HEG1: variants seen among roughly 807,000 people sequenced by gnomAD.
HEG1 encodes the protein heart development protein with EGF like domains 1.
Under a neutral mutation model 125.6 loss-of-function variants are expected in HEG1, and 56 were observed. The ratio of observed to expected loss-of-function variants is 0.45; its 90% CI spans 0.36 to 0.56. HEG1 has a LOEUF of 0.56. Ranked by LOEUF, HEG1 falls within the 20% of genes least tolerant of loss-of-function variation. The probability of loss-of-function intolerance (pLI) is 0.00; values close to 1 mark genes in which losing one functional copy is unlikely to be tolerated. For missense variants in HEG1, 1,523 were observed against 1,670.0 expected, an observed-to-expected ratio of 0.91 and a Z score of 1.53; for synonymous variants, 644 against 668.5, an observed-to-expected ratio of 0.96 and a Z score of 0.57.
At chr3:125,026,691 G>C (rs1937420470) in intron 3 of HEG1, among the ~76,000 whole-genome samples, 1 of 152,130 alleles carries the variant, frequency 6.6e-6, no homozygotes, top group Admixed American at 6.5e-5. Context: ...CCAAGGTAAG[G>C]TCTCTTGTTT....
chr3:125,002,193 C>T lies in HEG1; in HGVS notation c.3356+64G>A, dbSNP rs370061607. 13 of 1,538,508 alleles carry T rather than the reference C, an allele frequency of 8.4e-6. 1 individual carries two copies. In the South Asian group the frequency reaches 1.0e-4, roughly 12 times the overall value. ...ACAGCCCGGTTTTGTTGCTATCACC[C>T]ATGTTAGAACAGCCTCCCCTTTGTA... is the stretch of plus-strand genomic sequence containing the variant. On this transcript the variant is annotated intron_variant, in intron 10 of 16. Coordinates refer to ENST00000311127, the MANE Select transcript of HEG1 (RefSeq NM_020733.2).
intron 15 of HEG1, among the ~76,000 whole-genome samples, chr3:124,975,596 G>C (rs1385301798): frequency 2.0e-5 from 3 of 152,268 alleles, no homozygotes; most frequent in Middle Eastern, 3.4e-3. Context: ...ATTCAGACTT[G>C]TGCAACCATC....
intron 1 of HEG1, among the ~76,000 whole-genome samples, chr3:125,047,597 A>G (rs1937694187): frequency 6.6e-6 from 1 of 152,198 alleles, no homozygotes; most frequent in Admixed American, 6.5e-5. Context: ...TCCCTGAAAA[A>G]GTCTCACCAC....
chr3:124,973,667 A>C, intron 16 of HEG1, 64 bp downstream of exon 16: 1 of 1,319,132 alleles, frequency 7.6e-7, no homozygotes, highest in Non-Finnish European at 1.1e-6. Flanking sequence ...ACAACAAAAC[A>C]GAATTCCTTT....
intron 6 of HEG1, 114 bp from the exon 7 acceptor site, chr3:125,010,669 C>T (rs1937145024): frequency 2.7e-6 from 2 of 748,198 alleles, no homozygotes; most frequent in Non-Finnish European, 2.1e-6. Flanking sequence ...TTTCTGTTTA[C>T]TTGCCCTGAA....
chr3:125,053,317 A>T (rs1937856243), intron 1 of HEG1, among the ~76,000 whole-genome samples: 1 of 151,862 alleles, frequency 6.6e-6, no homozygotes, highest in African/African-American at 2.4e-5. Flanking sequence ...TTATCAGAAA[A>T]CTCAGACTCA....
chr3:125,018,727 C>G (rs1306051383), intron 5 of HEG1, among the ~76,000 whole-genome samples: 1 of 151,810 alleles, frequency 6.6e-6, no homozygotes, highest in Non-Finnish European at 1.5e-5. Context: ...GAGGAAGTGG[C>G]AAGAACAGCT....
intron 1 of HEG1, among the ~76,000 whole-genome samples, chr3:125,037,020 T>A (rs1341549784): frequency 6.6e-6 from 1 of 152,192 alleles, no homozygotes; most frequent in African/African-American, 2.4e-5. Flanking sequence ...CACAGAATTG[T>A]TTATAATAAT....
intron 8 of HEG1, 36 bp from the exon 9 acceptor site, chr3:125,005,404 C>G: frequency 8.4e-7 from 1 of 1,184,406 alleles, no homozygotes; most frequent in Non-Finnish European, 1.2e-6. Context: ...GATTACACAA[C>G]AGAAGAACCT....
At position 124,997,837 on chromosome 3, in the gene HEG1, A is replaced by G; in HGVS notation, c.3518-14T>C. 1 of 1,564,740 alleles carries G rather than the reference A, an allele frequency of 6.4e-7. No individual in the cohort carries two copies. The highest frequency in any genetic ancestry group is 8.7e-7 in the Non-Finnish European group (1 of 1,150,946). ...ACAAGCTGCCCGCTGGAATGGAAAA[A>G]CAAGACAGTGAAACAAAACAAAACC... On this transcript the variant is annotated splice_polypyrimidine_tract_variant and intron_variant, in intron 11 of 16. Coordinates refer to ENST00000311127, the MANE Select transcript of HEG1 (RefSeq NM_020733.2).
intron 12 of HEG1, among the ~76,000 whole-genome samples, chr3:124,997,200 T>C (rs7649894): frequency 0.27 from 41,577 of 151,892 alleles, 6,034 homozygotes; most frequent in African/African-American, 0.36. Context: ...CATACCCATT[T>C]CTCAGGAGAG....
chr3:125,042,364 G>T lies in HEG1; in HGVS notation c.317-12876C>A, dbSNP rs538014293. Among the ~76,000 whole-genome samples, 336 of 152,260 alleles carry T rather than the reference G, an allele frequency of 2.2e-3. 1 individual carries two copies. The highest frequency in any genetic ancestry group is 6.8e-3 in the Middle Eastern group (2 of 294). ...AATCACTTGAACCTGGGAGGCGGAG[G>T]TTTCAGTGAGCCGAGATCATGCCAC... On this transcript the variant is annotated intron_variant, in intron 1 of 16. Coordinates refer to ENST00000311127, the MANE Select transcript of HEG1 (RefSeq NM_020733.2).
chr3:125,032,846 G>C (rs929193943), intron 1 of HEG1, among the ~76,000 whole-genome samples: 2 of 152,220 alleles, frequency 1.3e-5, no homozygotes, highest in African/African-American at 2.4e-5. Context: ...GTGAGACTCA[G>C]CCATTGGTGA....
chr3:124,982,858 T>G (rs1267738140), intron 14 of HEG1, among the ~76,000 whole-genome samples: 3 of 152,200 alleles, frequency 2.0e-5, no homozygotes, highest in Admixed American at 6.5e-5. Context: ...AATTAGTTAC[T>G]TCCCAGGAAT....
intron 14 of HEG1, among the ~76,000 whole-genome samples, chr3:124,981,718 C>T (rs936660925): frequency 3.3e-5 from 5 of 152,178 alleles, no homozygotes; most frequent in African/African-American, 1.2e-4. Context: ...AGCACTCAAG[C>T]AGAGAGAAAG....
intron 12 of HEG1, 103 bp from the exon 13 acceptor site, chr3:124,991,089 AC>A: frequency 1.2e-6 from 1 of 822,614 alleles, no homozygotes; most frequent in African/African-American, 1.7e-5. Flanking sequence ...TTATTCTAGT[AC>A]CAGAAGGCTG....
At chr3:124,981,574 G>A (rs1418349359) in intron 14 of HEG1, among the ~76,000 whole-genome samples, 2 of 152,138 alleles carry the variant, frequency 1.3e-5, no homozygotes, top group East Asian at 3.9e-4. Flanking sequence ...TACTGGGCAG[G>A]GGCTCAGAAC....
Position 124,970,514 on chromosome 3 carries a change from C to T in HEG1, c.*138G>A, listed in dbSNP as rs936365339. Reference sequence around the variant, plus strand: ...CCTGTCTCCTCCACTGTGGTCACGCCCCGCATGCCTGTCCCTCTTCCTGCT... The same window carrying T: ...CCTGTCTCCTCCACTGTGGTCACGCTCCGCATGCCTGTCCCTCTTCCTGCT... On this transcript the variant is annotated 3_prime_UTR_variant, in exon 17 of 17. Coordinates refer to ENST00000311127, the MANE Select transcript of HEG1 (RefSeq NM_020733.2). 4.3e-6 allele frequency: 3 copies of T among 689,882 alleles called. No individual in the cohort carries two copies. Among genetic ancestry groups the T allele is most frequent in the African/African-American group, 1.8e-5 (1 of 55,412 alleles). The allele number at this position is 689,882 out of a possible 1,614,324, so 42.7% of individuals were successfully genotyped here.
chr3:124,967,213 T>C lies in HEG1; in HGVS notation c.*3439A>G, dbSNP rs775339205. 2 of 152,180 alleles carry C rather than the reference T, an allele frequency of 1.3e-5. No individual in the cohort carries two copies. Among genetic ancestry groups the C allele is most frequent in the Non-Finnish European group, 2.9e-5 (2 of 68,034 alleles). The allele number at this position is 152,180 out of a possible 1,614,324, so 9.4% of individuals were successfully genotyped here. ...ATTCTGAAAACAGTTCACAAAAATA[T>C]GCTTCCAGTATGTGGGAGCCATGGC... On this transcript the variant is annotated 3_prime_UTR_variant, in exon 17 of 17. Transcript: ENST00000311127.
Sources: allele counts gnomAD v4.1 joint callset (sites outside exome capture counted in the v4.1 genomes callset), GRCh38; gene constraint gnomAD v4.1.1; transcripts MANE v1.5; gene names NCBI Gene and HGNC (gene_info 2026-07-23, HGNC 2026-07-21).